SERPINE3: variants seen among roughly 807,000 people sequenced by gnomAD.
The protein encoded by SERPINE3 is serpin E3.
A neutral mutation model predicts 41.7 loss-of-function variants in SERPINE3; 43 were observed. The observed-to-expected ratio is 1.03, with a 90% CI of 0.81 to 1.33. The LOEUF is 1.33. SERPINE3 is among the 40% of genes most tolerant of loss of function. SERPINE3 has a pLI of 0.00. For synonymous variants in SERPINE3, 200 were observed against 192.2 expected, an observed-to-expected ratio of 1.04 and a Z score of -0.34; for missense variants, 440 against 491.7, an observed-to-expected ratio of 0.89 and a Z score of 0.99.
At chr13:51,346,262 T>C (rs1955344581) in intron 4 of SERPINE3, among the ~76,000 whole-genome samples, 1 of 152,150 alleles carries the variant, frequency 6.6e-6, no homozygotes, top group African/African-American at 2.4e-5. Flanking sequence ...AGACCATACC[T>C]TGAATATTGT....
intron 6 of SERPINE3, among the ~76,000 whole-genome samples, chr13:51,353,311 A>T (rs1214970597): frequency 2.0e-5 from 3 of 152,240 alleles, no homozygotes; most frequent in Non-Finnish European, 2.9e-5. Flanking sequence ...AAAATAATTT[A>T]AAAATCACAA....
intron 4 of SERPINE3, among the ~76,000 whole-genome samples, chr13:51,346,619 G>A (rs570232287): frequency 9.8e-5 from 15 of 152,296 alleles, no homozygotes; most frequent in African/African-American, 3.6e-4. Flanking sequence ...GGACTTCTGA[G>A]TTCTCACTTT....
At chr13:51,341,471 A>C in intron 3 of SERPINE3, 124 bp downstream of exon 3, 1 of 957,932 alleles carries the variant, frequency 1.0e-6, no homozygotes, top group Non-Finnish European at 1.5e-6. Context: ...TCATACTCAC[A>C]CTCACTCTCT....
chr13:51,348,119 C>T, intron 5 of SERPINE3, 94 bp from the exon 6 acceptor site: 2 of 944,906 alleles, frequency 2.1e-6, no homozygotes, highest in South Asian at 1.7e-5. Flanking sequence ...TTTATTGTTT[C>T]CAGTCCTCTG....
At position 51,341,220 on chromosome 13, in the gene SERPINE3, G is replaced by A. The variant is rs182858757; in HGVS notation, c.129G>A (p.Ala43=). The A allele has an allele frequency of 2.8e-5, 45 of 1,614,026 alleles. No homozygotes were observed. In the Admixed American group the frequency reaches 4.8e-4, roughly 17 times the overall value. Residue 43 remains alanine, a synonymous_variant, in exon 3 of 10, where the codon GCG becomes GCA. Coordinates refer to ENST00000681248, the MANE Select transcript of SERPINE3 (RefSeq NM_001386375.1). ...TTCACCTCTACCAGAGTGTGGCCGC[G>A]TGTAGAAATGAGACGAACTTTGTCA... ...FALHLYQSVA[A]CRNETNFVIS...
At chr13:51,340,140 G>T (rs1566190194) in intron 1 of SERPINE3, among the ~76,000 whole-genome samples, 1 of 152,182 alleles carries the variant, frequency 6.6e-6, no homozygotes, top group Non-Finnish European at 1.5e-5. Context: ...TGAGTAGCAG[G>T]GTGAGCTGCT....
chr13:51,346,952 C>A, intron 4 of SERPINE3, 73 bp from the exon 5 acceptor site: 1 of 1,131,654 alleles, frequency 8.8e-7, no homozygotes, highest in Non-Finnish European at 1.3e-6. Context: ...CACTCCTTGT[C>A]CGCACACACA....
intron 8 of SERPINE3, 59 bp downstream of exon 8, chr13:51,361,423 C>T: frequency 1.9e-6 from 2 of 1,043,480 alleles, no homozygotes; most frequent in Non-Finnish European, 2.9e-6. Context: ...CTGAAATTTA[C>T]CTAGTTGAAT....
At chr13:51,361,565 TA>T (rs1445315518) in intron 8 of SERPINE3, 1 of 589,792 alleles carries the variant, frequency 1.7e-6, no homozygotes, top group Non-Finnish European at 3.0e-6. Context: ...CCCATAAAAA[TA>T]ATTCTGAAAG....
intron 6 of SERPINE3, among the ~76,000 whole-genome samples, chr13:51,353,133 A>C (rs1263562390): frequency 2.0e-5 from 3 of 152,078 alleles, no homozygotes; most frequent in Non-Finnish European, 4.4e-5. Context: ...TTTCTGCTGG[A>C]TCTGCCTTCA....
At chr13:51,351,690 T>G (rs1378474447) in intron 6 of SERPINE3, among the ~76,000 whole-genome samples, 1 of 152,154 alleles carries the variant, frequency 6.6e-6, no homozygotes, top group Non-Finnish European at 1.5e-5. Context: ...GATGCCATAT[T>G]ATATTGAATA....
At position 51,345,243 on chromosome 13, in the gene SERPINE3, G is replaced by A. The variant is rs537662755; in HGVS notation, c.490+758G>A. Among the ~76,000 whole-genome samples the A allele has an allele frequency of 3.9e-5, 6 of 152,256 alleles. No homozygotes were observed. In the South Asian group the frequency reaches 1.2e-3, roughly 32 times the overall value. On this transcript the variant is annotated intron_variant, in intron 4 of 9. Coordinates refer to ENST00000681248, the MANE Select transcript of SERPINE3 (RefSeq NM_001386375.1). ...CCTCCTGCCCAGGGTCCACAGGCCA[G>A]GATTCTAACCCAGGTGGTCCGGCTC...
intron 6 of SERPINE3, among the ~76,000 whole-genome samples, chr13:51,350,931 C>A (rs1955397079): frequency 1.3e-5 from 2 of 152,136 alleles, no homozygotes; most frequent in African/African-American, 4.8e-5. Context: ...TGTCTGGCTT[C>A]TTTGCATAAT....
At chr13:51,355,220 C>A in intron 7 of SERPINE3, 77 bp downstream of exon 7, 1 of 530,980 alleles carries the variant, frequency 1.9e-6, no homozygotes, top group South Asian at 2.4e-5. Context: ...AAGGGATTCT[C>A]ATTTCAGAGT....
intron 6 of SERPINE3, among the ~76,000 whole-genome samples, chr13:51,349,246 C>T (rs1365741164): frequency 2.0e-5 from 3 of 152,128 alleles, no homozygotes; most frequent in Admixed American, 6.6e-5. Context: ...CTTGGCAGTA[C>T]TCCCTTGAGG....
intron 8 of SERPINE3, 135 bp downstream of exon 8, chr13:51,361,499 A>C: frequency 1.5e-6 from 1 of 653,076 alleles, no homozygotes; most frequent in Non-Finnish European, 2.6e-6. Flanking sequence ...TTTAAAAAGG[A>C]ACACTAAAGA....
Position 51,361,569 on chromosome 13 carries a change from T to C in SERPINE3, c.1087+205T>C, listed in dbSNP as rs74084812. The C allele has an allele frequency of 2.0e-3, 1,185 of 587,920 alleles. 14 individuals are homozygous for C. The highest frequency in any genetic ancestry group is 0.02 in the African/African-American group (1,058 of 53,514). The allele number at this position is 587,920 out of a possible 1,614,324, so 36.4% of individuals were successfully genotyped here. A position where few individuals can be genotyped will look rare whatever the true frequency, so the allele number is the denominator to read the frequency against. ...GAGATATCCATCCCATAAAAATAAT[T>C]CTGAAAGTTACCTTCAATAAGGAAT... On this transcript the variant is annotated intron_variant, in intron 8 of 9. Transcript: ENST00000681248.
rs1955281544 is a variant in SERPINE3 at position 51,340,769 on chromosome 13, T to G, written c.-95-15T>G. On this transcript the variant is annotated splice_polypyrimidine_tract_variant and intron_variant, in intron 1 of 9. Coordinates refer to ENST00000681248, the MANE Select transcript of SERPINE3 (RefSeq NM_001386375.1). ...TTCTTTTCCCAACATAATGCTTTGC[T>G]TCTGATCTGACCAGGGCTTTGCTAA... 2.4e-6 allele frequency: 1 copy of G among 416,256 alleles called. No homozygotes were observed. The highest frequency in any genetic ancestry group is 2.0e-5 in the African/African-American group (1 of 50,462). 25.8% of individuals were successfully genotyped at this position (416,256 alleles called of 1,614,324 possible).
At chr13:51,355,223 T>A in intron 7 of SERPINE3, 80 bp downstream of exon 7, 1 of 684,048 alleles carries the variant, frequency 1.5e-6, no homozygotes, top group Non-Finnish European at 2.6e-6. Context: ...GGATTCTCAT[T>A]TCAGAGTCAA....
Sources: gnomAD v4.1 joint callset for allele counts (sites outside exome capture counted in the v4.1 genomes callset) on GRCh38, gnomAD v4.1.1 for gene constraint, MANE v1.5 for transcripts, NCBI Gene and HGNC (gene_info 2026-07-23, HGNC 2026-07-21) for gene names.